Variants in SPATA21 observed in about 807,000 individuals in gnomAD.
SPATA21 encodes spermatogenesis-associated protein 21.
In SPATA21, 47 loss-of-function variants were observed where a neutral mutation model predicts 54.8. The ratio of observed to expected loss-of-function variants is 0.86; its 90% CI spans 0.68 to 1.09. The LOEUF (loss-of-function observed/expected upper bound fraction) is 1.09. SPATA21 is among the 50% of genes least tolerant of loss of function. The pLI is 0.00. For synonymous variants in SPATA21, 245 were observed against 235.3 expected (o/e 1.04, Z -0.38); for missense variants, 599 against 596.4 (o/e 1.00, Z -0.05).
Position 16,409,533 on chromosome 1 carries a change from G to C in SPATA21, c.587+68C>G. The C allele has an allele frequency of 1.3e-6, 2 of 1,507,684 alleles. No individual in the cohort carries two copies. The highest frequency in any genetic ancestry group is 1.4e-5 in the African/African-American group (1 of 72,970). The allele number at this position is 1,507,684 out of a possible 1,614,324, so 93.4% of individuals were successfully genotyped here. A position where few individuals can be genotyped will look rare whatever the true frequency, so the allele number is the denominator to read the frequency against. ...CAGGCAGGTGCAGGGACAGGGACCT[G>C]CATCCGGGACAAGGCTCTGATCTTG... On this transcript the variant is annotated intron_variant, in intron 6 of 12. Transcript: ENST00000335496. This position sits in a 1 kb window ranked among gnomAD's most constrained non-coding sequence, Gnocchi z 4.1.
intron 3 of SPATA21, chr1:16,425,148 T>A (rs2086286421): frequency 2.2e-6 from 1 of 455,924 alleles, no homozygotes; most frequent in Non-Finnish European, 4.4e-6. Flanking sequence ...TGACCTCAGG[T>A]GATCTGCCTC....
intron 10 of SPATA21, among the ~76,000 whole-genome samples, chr1:16,403,377 A>G (rs527900163): frequency 6.6e-6 from 1 of 152,152 alleles, no homozygotes; most frequent in South Asian, 2.1e-4. Context: ...AGAAAGCCTT[A>G]CTGGTATCAT....
At position 16,409,632 on chromosome 1, in the gene SPATA21, T is replaced by C; in HGVS notation, c.556A>G (p.Ser186Gly). The change falls in exon 6 of 13, where the codon AGC (serine) becomes GGC (glycine). Residue 186 changes from serine to glycine, a missense_variant. By Grantham distance (56) the Ser-to-Gly change is moderately conservative. Coordinates refer to ENST00000335496, the MANE Select transcript of SPATA21 (RefSeq NM_198546.1). The surrounding 1 kb of genome is among the most constrained non-coding windows in gnomAD (Gnocchi z 4.1). ...WRRMELLHQS[S>G]ERTLSYAKAR... ...TTGGCGTAGCTCAGGGTTCTCTCGC[T>C]GCTCTGGTGCAAGAGTTCCATCCTT... 6.2e-7 allele frequency: 1 copy of C among 1,612,920 alleles called. No homozygotes were observed. Among genetic ancestry groups the C allele is most frequent in the Non-Finnish European group, 8.5e-7 (1 of 1,179,976 alleles).
At position 16,425,877 on chromosome 1, in the gene SPATA21, C is replaced by G. The variant is rs190710966; in HGVS notation, c.35-3906G>C. ...TCACAGGAATTCCCCAAATCATAGA[C>G]ACTTTGATGTCAATGTTTGGGGGAG... On this transcript the variant is annotated intron_variant, in intron 3 of 12. Coordinates refer to ENST00000335496, the MANE Select transcript of SPATA21 (RefSeq NM_198546.1). The G allele has an allele frequency of 1.2e-3, 788 of 666,016 alleles. 2 individuals are homozygous for G. Among genetic ancestry groups the G allele is most frequent in the Non-Finnish European group, 1.8e-3 (714 of 402,364 alleles). 41.3% of individuals were successfully genotyped at this position (666,016 alleles called of 1,614,324 possible).
intron 3 of SPATA21, among the ~76,000 whole-genome samples, chr1:16,423,172 A>T (rs1174937479): frequency 1.3e-5 from 2 of 148,620 alleles, no homozygotes; most frequent in Non-Finnish European, 3.0e-5. Flanking sequence ...AAAAAATAAT[A>T]AAGGCCTAAG....
At chr1:16,429,514 G>A (rs1340211649) in intron 3 of SPATA21, among the ~76,000 whole-genome samples, 1 of 151,882 alleles carries the variant, frequency 6.6e-6, no homozygotes, top group Non-Finnish European at 1.5e-5. Context: ...CACTCTTGTT[G>A]CCCAGGCTGG....
At position 16,405,010 on chromosome 1, in the gene SPATA21, C is replaced by A; in HGVS notation, c.768G>T (p.Thr256=). 6.2e-7 allele frequency: 1 copy of A among 1,608,310 alleles called. No individual in the cohort carries two copies. The highest frequency in any genetic ancestry group is 8.5e-7 in the Non-Finnish European group (1 of 1,178,228). Residue 256 remains threonine (T), a synonymous_variant, in exon 8 of 13, where the codon ACG becomes ACT. Coordinates refer to ENST00000335496, the MANE Select transcript of SPATA21 (RefSeq NM_198546.1). The part of the protein sequence containing the change: ...NILLLMGFSV[T]LAQVEDALMS... ...TCAGGGCGTCCTCCACCTGGGCCAG[C>A]GTCACAGAGAAGCCCATTAGGAGCA... is the stretch of plus-strand genomic sequence containing the variant.
intron 2 of SPATA21, among the ~76,000 whole-genome samples, chr1:16,432,078 C>G (rs144654999): frequency 0.027 from 4,047 of 151,318 alleles, 85 homozygotes; most frequent in Non-Finnish European, 0.04. Flanking sequence ...TGGACACATC[C>G]TTTCTTTTTC....
chr1:16,434,893 T>G (rs1461110447), intron 1 of SPATA21, among the ~76,000 whole-genome samples: 3 of 152,162 alleles, frequency 2.0e-5, no homozygotes, highest in Non-Finnish European at 4.4e-5. Flanking sequence ...GGTCTTCCTT[T>G]ATCACCCAGG....
intron 1 of SPATA21, among the ~76,000 whole-genome samples, chr1:16,433,541 A>G (rs1237728439): frequency 2.0e-5 from 3 of 152,116 alleles, no homozygotes; most frequent in African/African-American, 7.2e-5. Context: ...ATCTCCCCCT[A>G]CGCCCCTCAA....
At chr1:16,410,179 C>T in intron 5 of SPATA21, 136 bp from the exon 6 acceptor site, 1 of 683,756 alleles carries the variant, frequency 1.5e-6, no homozygotes, top group Non-Finnish European at 2.4e-6. Context: ...TACCCCAAAT[C>T]TCACATGCAC....
At position 16,409,244 on chromosome 1, in the gene SPATA21, G is replaced by T. The variant is rs367714722; in HGVS notation, c.588-41C>A. ...CCCCGACCCAGGGCAACATCCGGCC[G>T]CCCACCCTGCTGATAGCTAGGGGAG... is the stretch of plus-strand genomic sequence containing the variant. On this transcript the variant is annotated intron_variant, in intron 6 of 12. Coordinates refer to ENST00000335496, the MANE Select transcript of SPATA21 (RefSeq NM_198546.1). This position sits in a 1 kb window ranked among gnomAD's most constrained non-coding sequence, Gnocchi z 4.1. 9 of 1,608,750 alleles carry T rather than the reference G, an allele frequency of 5.6e-6. No individual in the cohort carries two copies.
chr1:16,407,019 A>G (rs1398123227), intron 7 of SPATA21, among the ~76,000 whole-genome samples: 3 of 152,224 alleles, frequency 2.0e-5, no homozygotes, highest in African/African-American at 4.8e-5. Context: ...TGCTGCATTC[A>G]TGTGAGCCTC....
chr1:16,402,246 ATTCTTTTTT>A (rs2085470574), intron 10 of SPATA21, among the ~76,000 whole-genome samples: 1 of 73,392 alleles, frequency 1.4e-5, no homozygotes, highest in African/African-American at 5.0e-5. Flanking sequence ...CTGAGCTGCC[ATTCTTTTTT>A]TTTTTTTTTT....
chr1:16,421,643 T>C lies in SPATA21; in HGVS notation c.96-86A>G. 1 of 1,387,394 alleles carries C rather than the reference T, an allele frequency of 7.2e-7. No individual in the cohort carries two copies. Among genetic ancestry groups the C allele is most frequent in the Non-Finnish European group, 9.9e-7 (1 of 1,008,368 alleles). The allele number at this position is 1,387,394 out of a possible 1,614,324, so 85.9% of individuals were successfully genotyped here. The stretch of plus-strand genomic sequence containing the variant: ...CCTCCCCTCTCAGCCCCCAGGACAC[T>C]CAGTTCCACCCCAGCCTCATCCCCT... On this transcript the variant is annotated intron_variant, in intron 4 of 12. Coordinates refer to ENST00000335496, the MANE Select transcript of SPATA21 (RefSeq NM_198546.1). The surrounding 1 kb of genome is among the most constrained non-coding windows in gnomAD (Gnocchi z 5.2).
intron 2 of SPATA21, among the ~76,000 whole-genome samples, chr1:16,432,190 T>C (rs890471124): frequency 6.6e-6 from 1 of 151,210 alleles, no homozygotes; most frequent in African/African-American, 2.4e-5. Flanking sequence ...GCTGCAATCT[T>C]GGCTCACTGC....
Position 16,431,398 on chromosome 1 carries a change from G to C in SPATA21, c.-27C>G. Reference sequence around the variant, plus strand: ...ATGCCAGCGCCAACACGGGTGCCAAGTGAGGGGCATCACCTAGTGTGCTCC... The same window carrying C: ...ATGCCAGCGCCAACACGGGTGCCAACTGAGGGGCATCACCTAGTGTGCTCC... On this transcript the variant is annotated 5_prime_UTR_variant, in exon 3 of 13. Transcript: ENST00000335496. The C allele has an allele frequency of 1.2e-6, 2 of 1,613,830 alleles. No homozygotes were observed. Among genetic ancestry groups the C allele is most frequent in the Non-Finnish European group, 1.7e-6 (2 of 1,179,834 alleles).
chr1:16,405,056 G>A lies in SPATA21; in HGVS notation c.722C>T (p.Ala241Val). 3.7e-6 allele frequency: 6 copies of A among 1,610,374 alleles called. No homozygotes were observed. Among genetic ancestry groups the A allele is most frequent in the Non-Finnish European group, 5.1e-6 (6 of 1,178,746 alleles). Residue 241 changes from alanine to valine, a missense_variant, in exon 8 of 13, where the codon GCA becomes GTA. Transcript: ENST00000335496. ...EIFNGPGEVD[A>V]QSLKNILLLM... ...GAGCAGGATATTCTTCAGGCTCTGT[G>A]CATCCACCTCACCAGGACCATTGAA...
Position 16,399,478 on chromosome 1 carries a change from C to G in SPATA21, c.1218G>C (p.Leu406=), listed in dbSNP as rs201329857. 1.9e-4 allele frequency: 314 copies of G among 1,614,090 alleles called. No homozygotes were observed. Among genetic ancestry groups the G allele is most frequent in the South Asian group, 6.1e-4 (56 of 91,078 alleles). ...QSPYAQVPCI[L]LCPQLDKKMV... ...TCTTCTTGTCCAGCTGTGGGCAGAG[C>G]AGGATGCAGGGCACCTGGGCATAGG... Residue 406 remains leucine (L), a synonymous_variant, in exon 12 of 13, where the codon CTG becomes CTC. Coordinates refer to ENST00000335496, the MANE Select transcript of SPATA21 (RefSeq NM_198546.1).
Sources: gnomAD v4.1 joint callset for allele counts (sites outside exome capture counted in the v4.1 genomes callset) on GRCh38, gnomAD v4.1.1 for gene constraint, Gnocchi (gnomAD v3.1) non-coding constraint, MANE v1.5 for transcripts, NCBI Gene and HGNC (gene_info 2026-07-23, HGNC 2026-07-21) for gene names.